Variants in PCDHA3 observed in about 807,000 individuals in gnomAD.
The protein encoded by PCDHA3 is protocadherin alpha 3.
Under a neutral mutation model 62.2 loss-of-function variants are expected in PCDHA3, and 41 were observed. The ratio of observed to expected loss-of-function variants is 0.66; its 90% CI spans 0.51 to 0.86. The LOEUF is 0.86. Ranked by LOEUF, PCDHA3 falls within the 40% of genes least tolerant of loss-of-function variation. PCDHA3 has a pLI of 0.00. For synonymous variants in PCDHA3, 640 were observed against 555.4 expected (o/e 1.15, Z -2.14); for missense variants, 1,304 against 1,241.2 (o/e 1.05, Z -0.76).
At chr5:140,881,559 C>G (rs1293330721) in intron 1 of PCDHA3, among the ~76,000 whole-genome samples, 2 of 152,174 alleles carry the variant, frequency 1.3e-5, no homozygotes, top group Admixed American at 6.5e-5. Context: ...ATATAAATAT[C>G]TTATCTACAT....
chr5:140,882,596 G>C, intron 1 of PCDHA3: 1 of 1,614,248 alleles, frequency 6.2e-7, no homozygotes, highest in Non-Finnish European at 8.5e-7. Context: ...GGAGGTGATC[G>C]TGGACAGGCC....
rs544074425 is a variant in PCDHA3, at chr5:140,965,070, C to A, written c.2395-13879C>A. Among the ~76,000 whole-genome samples the A allele has an allele frequency of 1.2e-4, 19 of 152,306 alleles. 1 individual carries two copies. In the South Asian group the frequency reaches 3.9e-3, roughly 32 times the overall value. On this transcript the variant is annotated intron_variant, in intron 1 of 3. Coordinates refer to ENST00000522353, the MANE Select transcript of PCDHA3 (RefSeq NM_018906.3). ...GGGAAGCATGCCAAATGTCAGGTCT[C>A]ACTCTGACTTTGTTCCAGTCCATAG... is the stretch of plus-strand genomic sequence containing the variant.
rs148283153 is a variant in PCDHA3, at chr5:140,857,227, G to A, written c.2394+53636G>A. 3.8e-6 allele frequency: 6 copies of A among 1,598,330 alleles called. No individual in the cohort carries two copies. The African/African-American group carries it at 4.0e-5, about 11-fold the overall frequency. ...CCTGCTCTCTGACGCCTCACGTTCCGTTCAAGCTGGTGTCCACCTACAAGA... is the reference window on the plus strand; with the variant it reads ...CCTGCTCTCTGACGCCTCACGTTCCATTCAAGCTGGTGTCCACCTACAAGA... On this transcript the variant is annotated intron_variant, in intron 1 of 3. Coordinates refer to ENST00000522353, the MANE Select transcript of PCDHA3 (RefSeq NM_018906.3).
chr5:140,966,538 C>T, intron 1 of PCDHA3: 2 of 463,262 alleles, frequency 4.3e-6, no homozygotes, highest in South Asian at 1.1e-4. Flanking sequence ...GGTTGAGCGA[C>T]TCGGAGGCGA....
chr5:140,833,590 T>C (rs2150209635), intron 1 of PCDHA3, among the ~76,000 whole-genome samples: 1 of 152,296 alleles, frequency 6.6e-6, no homozygotes, highest in East Asian at 1.9e-4. Flanking sequence ...AAACAGTATA[T>C]ATAGATTCTG....
At chr5:140,897,504 C>T (rs1253239827) in intron 1 of PCDHA3, among the ~76,000 whole-genome samples, 1 of 152,092 alleles carries the variant, frequency 6.6e-6, no homozygotes, top group Non-Finnish European at 1.5e-5. Context: ...CATGTCCCTA[C>T]AAAGGACATG....
Position 140,802,325 on chromosome 5 carries a change from C to T in PCDHA3, c.1128C>T (p.Asp376=). 6.2e-7 allele frequency: 1 copy of T among 1,614,252 alleles called. No individual in the cohort carries two copies. The highest frequency in any genetic ancestry group is 8.5e-7 in the Non-Finnish European group (1 of 1,180,050). The change falls in exon 1 of 4, where the codon GAC becomes GAT. Residue 376 remains aspartate (D), a synonymous_variant. Coordinates refer to ENST00000522353, the MANE Select transcript of PCDHA3 (RefSeq NM_018906.3). ...STVIALISVS[D]RDSGVNGQVT... is the part of the protein sequence containing the mutation. ...TCATCGCTCTGATCAGCGTGTCCGA[C>T]CGCGACTCAGGAGTCAATGGACAGG...
At chr5:140,995,557 A>G (rs1032736761) in intron 3 of PCDHA3, among the ~76,000 whole-genome samples, 2 of 152,252 alleles carry the variant, frequency 1.3e-5, no homozygotes, top group African/African-American at 2.4e-5. Flanking sequence ...ACTGTACTGA[A>G]TAATATGTCA....
chr5:140,941,573 C>T (rs1220556647), intron 1 of PCDHA3, among the ~76,000 whole-genome samples: 1 of 152,108 alleles, frequency 6.6e-6, no homozygotes, highest in African/African-American at 2.4e-5. Flanking sequence ...CCTCAGCCTC[C>T]CAAAGTGCTG....
At chr5:140,995,682 T>A (rs566340825) in intron 3 of PCDHA3, among the ~76,000 whole-genome samples, 28 of 152,312 alleles carry the variant, frequency 1.8e-4, no homozygotes, top group East Asian at 9.6e-4. Context: ...GCATTTTTTT[T>A]AATTGTTAAA....
At chr5:140,828,888 C>T in intron 1 of PCDHA3, 1 of 1,614,192 alleles carries the variant, frequency 6.2e-7, no homozygotes, top group East Asian at 2.2e-5. Flanking sequence ...AGACTGAATG[C>T]TTCTGATCGG....
rs538135807 is a variant in PCDHA3, at chr5:140,873,663, T to C, written c.2394+70072T>C. On this transcript the variant is annotated intron_variant, in intron 1 of 3. Transcript: ENST00000522353. ...GTGAGAACTACATAACACACTATTA[T>C]TATTTGTTTCTTTTTGAGATAGAGT... Among the ~76,000 whole-genome samples the C allele has an allele frequency of 3.3e-5, 5 of 152,342 alleles. No individual in the cohort carries two copies. In the South Asian group the frequency reaches 1.0e-3, roughly 32 times the overall value.
chr5:140,825,114 T>C (rs1037237517), intron 1 of PCDHA3: 1 of 151,798 alleles, frequency 6.6e-6, no homozygotes, highest in Non-Finnish European at 1.5e-5. Context: ...ACAAATAAAC[T>C]TCCCTACCCC....
chr5:141,000,395 C>CTCTATA (rs1213762225), intron 3 of PCDHA3, among the ~76,000 whole-genome samples: 3 of 53,980 alleles, frequency 5.6e-5, no homozygotes, highest in East Asian at 6.1e-4. Flanking sequence ...CTCTCTCTCT[C>CTCTATA]TATATATATA....
intron 1 of PCDHA3, among the ~76,000 whole-genome samples, chr5:140,916,543 G>A (rs1554197499): frequency 6.6e-6 from 1 of 152,152 alleles, no homozygotes; most frequent in Non-Finnish European, 1.5e-5. Context: ...AAGGCAATGG[G>A]TTTTCTATTT....
At chr5:140,837,117 T>C (rs1774919883) in intron 1 of PCDHA3, 1 of 157,306 alleles carries the variant, frequency 6.4e-6, no homozygotes, top group African/African-American at 2.4e-5. Flanking sequence ...ATATGTTACC[T>C]AATATTTTAT....
chr5:140,914,724 G>A (rs923867157), intron 1 of PCDHA3, among the ~76,000 whole-genome samples: 1 of 150,732 alleles, frequency 6.6e-6, no homozygotes, highest in Non-Finnish European at 1.5e-5. Flanking sequence ...TTTATTTTTT[G>A]TGTATCCATT....
At chr5:140,979,055 T>A (rs2096833782) in intron 2 of PCDHA3, 48 bp downstream of exon 2, 1 of 1,607,848 alleles carries the variant, frequency 6.2e-7, no homozygotes, top group Non-Finnish European at 8.5e-7. Flanking sequence ...TAACTTGGTA[T>A]GGCTCAGATA....
At chr5:140,836,667 G>T in intron 1 of PCDHA3, 1 of 1,613,396 alleles carries the variant, frequency 6.2e-7, no homozygotes, top group Non-Finnish European at 8.5e-7. Context: ...GTGCTCTGGG[G>T]AGGGCCCACC....
Sources: allele counts gnomAD v4.1 joint callset (sites outside exome capture counted in the v4.1 genomes callset), GRCh38; gene constraint gnomAD v4.1.1; transcripts MANE v1.5; gene names NCBI Gene and HGNC (gene_info 2026-07-23, HGNC 2026-07-21).